JAKMIP2: variants seen among roughly 807,000 people sequenced by gnomAD.
The protein encoded by JAKMIP2 is janus kinase and microtubule-interacting protein 2.
JAKMIP2 carries 25 observed loss-of-function variants against 115.0 expected under a neutral mutation model. The ratio of observed to expected loss-of-function variants is 0.22; its 90% CI spans 0.16 to 0.30. The LOEUF (loss-of-function observed/expected upper bound fraction) is 0.30, where lower values mean the gene tolerates loss of function less well. JAKMIP2 is among the 10% of genes least tolerant of loss of function. JAKMIP2 has a pLI of 1.00. For missense variants in JAKMIP2, 642 were observed against 957.6 expected (o/e 0.67, Z 4.35); for synonymous variants, 334 against 343.6 (o/e 0.97, Z 0.31).
intron 1 of JAKMIP2, among the ~76,000 whole-genome samples, chr5:147,683,508 C>A (rs536108187): frequency 6.6e-6 from 1 of 151,970 alleles, no homozygotes; most frequent in East Asian, 1.9e-4. Context: ...AAAACAAAAC[C>A]AAACAACAAC....
chr5:147,678,390 C>G (rs1266105314), intron 1 of JAKMIP2, among the ~76,000 whole-genome samples: 1 of 152,160 alleles, frequency 6.6e-6, no homozygotes, highest in Non-Finnish European at 1.5e-5. Flanking sequence ...AAATCATGCA[C>G]TATTAGTCTT....
At chr5:147,673,968 T>C (rs1230309615) in intron 1 of JAKMIP2, among the ~76,000 whole-genome samples, 2 of 152,190 alleles carry the variant, frequency 1.3e-5, no homozygotes, top group Non-Finnish European at 2.9e-5. Flanking sequence ...CCGACCATTA[T>C]GCAAACACTA....
intron 1 of JAKMIP2, among the ~76,000 whole-genome samples, chr5:147,705,742 A>G (rs1752536724): frequency 6.6e-6 from 1 of 152,200 alleles, no homozygotes; most frequent in Admixed American, 6.5e-5. Flanking sequence ...CTGGTTATGC[A>G]GTTTGTCATA....
Position 147,766,219 on chromosome 5 carries a change from C to T in JAKMIP2, c.-149+16237G>A, listed in dbSNP as rs1755152408. 1.3e-5 allele frequency among the ~76,000 whole-genome samples: 2 copies of T among 152,138 alleles called. 1 individual carries two copies. Among genetic ancestry groups the T allele is most frequent in the South Asian group, 4.1e-4 (2 of 4,828 alleles). On this transcript the variant is annotated intron_variant, in intron 1 of 21. Transcript: ENST00000616793. ...TGAAGTCCATAAATAATTGTAATCA[C>T]TACCACTGGCAAATAAAAAGACTTT...
intron 1 of JAKMIP2, among the ~76,000 whole-genome samples, chr5:147,763,387 T>C (rs1038585970): frequency 6.6e-6 from 1 of 152,140 alleles, no homozygotes; most frequent in African/African-American, 2.4e-5. Flanking sequence ...GGGGCAGCTA[T>C]AGGCTGTCTT....
At chr5:147,759,591 G>T (rs1754862521) in intron 1 of JAKMIP2, among the ~76,000 whole-genome samples, 1 of 152,102 alleles carries the variant, frequency 6.6e-6, no homozygotes, top group Admixed American at 6.6e-5. Context: ...TGAGGTGCTG[G>T]AGAGCACCTG....
chr5:147,763,177 A>G (rs540458180), intron 1 of JAKMIP2, among the ~76,000 whole-genome samples: 3 of 152,218 alleles, frequency 2.0e-5, no homozygotes, highest in Admixed American at 2.0e-4. Flanking sequence ...GGGGGAGTAG[A>G]GGAGAAATTG....
intron 1 of JAKMIP2, among the ~76,000 whole-genome samples, chr5:147,760,899 C>G (rs1754909664): frequency 6.6e-6 from 1 of 152,030 alleles, no homozygotes; most frequent in South Asian, 2.1e-4. Flanking sequence ...TCCATAGCCC[C>G]TAGGTTTCTC....
intron 10 of JAKMIP2, 51 bp downstream of exon 10, chr5:147,639,581 G>C (rs771128037): frequency 6.4e-7 from 1 of 1,565,172 alleles, no homozygotes; most frequent in Non-Finnish European, 8.6e-7. Context: ...GTGCTTTTAT[G>C]CTGTGACTGC....
intron 21 of JAKMIP2, among the ~76,000 whole-genome samples, chr5:147,593,844 G>A (rs73266265): frequency 0.014 from 2,105 of 152,254 alleles, 52 homozygotes; most frequent in African/African-American, 0.049. Flanking sequence ...GTAAATAAGA[G>A]AGTTGATCTG....
At chr5:147,767,789 C>T (rs1214838652) in intron 1 of JAKMIP2, among the ~76,000 whole-genome samples, 1 of 152,088 alleles carries the variant, frequency 6.6e-6, no homozygotes, top group Non-Finnish European at 1.5e-5. Flanking sequence ...CTTTAAAAAG[C>T]CATTCATAAT....
At chr5:147,721,417 C>G (rs1753282435) in intron 1 of JAKMIP2, among the ~76,000 whole-genome samples, 1 of 152,238 alleles carries the variant, frequency 6.6e-6, no homozygotes, top group Non-Finnish European at 1.5e-5. Flanking sequence ...CCTCAGCAAG[C>G]CTGGGCAATG....
intron 18 of JAKMIP2, among the ~76,000 whole-genome samples, chr5:147,620,257 G>A (rs908911666): frequency 2.0e-5 from 3 of 151,938 alleles, no homozygotes; most frequent in African/African-American, 7.3e-5. Context: ...CACCATGATT[G>A]GCTAATTTTT....
intron 18 of JAKMIP2, among the ~76,000 whole-genome samples, chr5:147,619,519 A>G (rs1258211790): frequency 6.6e-6 from 1 of 152,192 alleles, no homozygotes; most frequent in East Asian, 1.9e-4. Context: ...CTTCCAGGAA[A>G]GCATTATAAA....
intron 3 of JAKMIP2, 140 bp downstream of exon 3, chr5:147,660,808 C>A: frequency 1.1e-6 from 1 of 920,084 alleles, no homozygotes. Flanking sequence ...ACTGATCTAT[C>A]TTGGATAGAG....
chr5:147,737,187 ACT>A (rs1485444059), intron 1 of JAKMIP2, among the ~76,000 whole-genome samples: 5 of 152,194 alleles, frequency 3.3e-5, no homozygotes, highest in Non-Finnish European at 5.9e-5. Context: ...AATAAAACTA[ACT>A]ATACAGCAGA....
rs1580904361 is a variant in JAKMIP2 at position 147,770,858 on chromosome 5, A to C, written c.-149+11598T>G. ...ATTTACATTTTTGTTTTAAAAAGTG[A>C]ATCCTGGATTACACTGTAGAAATAC... is the stretch of plus-strand genomic sequence containing the variant. On this transcript the variant is annotated intron_variant, in intron 1 of 21. Transcript: ENST00000616793. Among the ~76,000 whole-genome samples the C allele has an allele frequency of 2.0e-5, 3 of 152,154 alleles. No homozygotes were observed. The East Asian group carries it at 5.8e-4, about 29-fold the overall frequency.
At chr5:147,731,195 C>T (rs946163476) in intron 1 of JAKMIP2, among the ~76,000 whole-genome samples, 16 of 152,002 alleles carry the variant, frequency 1.1e-4, no homozygotes, top group African/African-American at 3.6e-4. Context: ...AATGAGACCA[C>T]GACGATCTGG....
chr5:147,591,552 A>C lies in JAKMIP2; in HGVS notation c.*155T>G, dbSNP rs1215640142. The C allele has an allele frequency of 1.2e-6, 1 of 802,690 alleles. No homozygotes were observed. The highest frequency in any genetic ancestry group is 2.5e-5 in the East Asian group (1 of 39,984). 49.7% of individuals were successfully genotyped at this position (802,690 alleles called of 1,614,324 possible). On this transcript the variant is annotated 3_prime_UTR_variant, in exon 22 of 22. Transcript: ENST00000616793. The stretch of plus-strand genomic sequence containing the variant: ...AGAAACCTTGAATAATGGCTTTAAA[A>C]TACACAGTTGTAGTCCTGGCTACAG...
Sources: gnomAD v4.1 joint callset for allele counts (sites outside exome capture counted in the v4.1 genomes callset) on GRCh38, gnomAD v4.1.1 for gene constraint, MANE v1.5 for transcripts, NCBI Gene and HGNC (gene_info 2026-07-23, HGNC 2026-07-21) for gene names.